The following ANKMY1 variants were observed in gnomAD, a reference collection of about 807,000 sequenced individuals.
The protein encoded by ANKMY1 is ankyrin repeat and MYND domain-containing protein 1.
A neutral mutation model predicts 102.0 loss-of-function variants in ANKMY1; 98 were observed. The ratio of observed to expected loss-of-function variants is 0.96; its 90% CI spans 0.82 to 1.14. The LOEUF (loss-of-function observed/expected upper bound fraction) is 1.14. ANKMY1 is among the 50% of genes most tolerant of loss of function. The probability of loss-of-function intolerance (pLI) is 0.00; values close to 1 mark genes in which losing one functional copy is unlikely to be tolerated. For synonymous variants in ANKMY1, 582 were observed against 559.9 expected (o/e 1.04, Z -0.56); for missense variants, 1,330 against 1,347.6 (o/e 0.99, Z 0.20).
chr2:240,520,569 G>A lies in ANKMY1; in HGVS notation c.1833-36C>T, dbSNP rs1410290925. 5 of 1,587,090 alleles carry A rather than the reference G, an allele frequency of 3.2e-6. No homozygotes were observed. Among genetic ancestry groups the A allele is most frequent in the Admixed American group, 1.7e-5 (1 of 57,646 alleles). ...CGGTGCGCCCGTGGGCCCCTGGAGG[G>A]CAGGCACCTGCACTGCGCCCAGAAC... On this transcript the variant is annotated intron_variant, in intron 8 of 17. Transcript: ENST00000401804. This position sits in a 1 kb window ranked among gnomAD's most constrained non-coding sequence, Gnocchi z 4.8.
chr2:240,477,557 A>T (rs2074938147), downstream of ANKMY1, among the ~76,000 whole-genome samples: 1 of 151,870 alleles, frequency 6.6e-6, no homozygotes, highest in Admixed American at 6.6e-5. Flanking sequence ...ACCACACCTG[A>T]CTAAGATCTT....
At chr2:240,522,738 C>G (rs1271950756) in intron 8 of ANKMY1, 2 of 152,224 alleles carry the variant, frequency 1.3e-5, no homozygotes, top group African/African-American at 2.4e-5. Flanking sequence ...TAGAAGAGAT[C>G]TGGGCACTGT....
chr2:240,477,531 G>T (rs1280330688), downstream of ANKMY1, among the ~76,000 whole-genome samples: 1 of 152,070 alleles, frequency 6.6e-6, no homozygotes, highest in Non-Finnish European at 1.5e-5. Flanking sequence ...GAGTAGCTGG[G>T]ACTACGGTGT....
the ANKMY1 span, among the ~76,000 whole-genome samples, chr2:240,471,113 A>AC: frequency 4.4e-5 from 1 of 22,546 alleles, no homozygotes; most frequent in Non-Finnish European, 9.0e-5. Context: ...TCTGGGCAGG[A>AC]AAAAAAAAAT....
Position 240,526,390 on chromosome 2 carries a change from T to C in ANKMY1, c.1009A>G (p.Ser337Gly), listed in dbSNP as rs1221578026. 6.2e-7 allele frequency: 1 copy of C among 1,614,224 alleles called. No individual in the cohort carries two copies. The highest frequency in any genetic ancestry group is 1.1e-5 in the South Asian group (1 of 91,088). Reference protein sequence around the residue: ...NMGAILEGKRSGFAPCGPKEQ... With the variant: ...NMGAILEGKRGGFAPCGPKEQ... ...TTGGGCCCACAGGGTGCAAAGCCAC[T>C]GCGCTTCCCCTCCAGGATGGCGCCC... Residue 337 changes from serine to glycine, a missense_variant, in exon 6 of 18, where the codon AGT becomes GGT. Transcript: ENST00000401804.
At chr2:240,468,831 G>A in the ANKMY1 span, among the ~76,000 whole-genome samples, 1 of 152,202 alleles carries the variant, frequency 6.6e-6, no homozygotes, top group Admixed American at 6.5e-5. Context: ...GCTCCACCCA[G>A]CCCTGCTGAA....
chr2:240,492,167 C>CT (rs912824758), intron 15 of ANKMY1, among the ~76,000 whole-genome samples: 1 of 151,900 alleles, frequency 6.6e-6, no homozygotes, highest in Admixed American at 6.6e-5. Context: ...TAATTTTTTT[C>CT]TTTTTTGTAG....
chr2:240,517,527 T>A (rs772061943), intron 9 of ANKMY1, among the ~76,000 whole-genome samples: 4 of 152,192 alleles, frequency 2.6e-5, no homozygotes, highest in Non-Finnish European at 5.9e-5. Flanking sequence ...CAATGACTCT[T>A]GGCCGGGCAC....
Position 240,520,144 on chromosome 2 carries a change from TA to T in ANKMY1, c.2004+217del. ...AAATCACACGGATCGTGAAGTACTC[TA>T]AAAACTAGCTCGGTGTCCAAATCCT... is the stretch of plus-strand genomic sequence containing the variant. On this transcript the variant is annotated intron_variant, in intron 9 of 17. Transcript: ENST00000401804. The surrounding 1 kb of genome is among the most constrained non-coding windows in gnomAD (Gnocchi z 4.8). 1.3e-6 allele frequency: 1 copy of T among 796,976 alleles called. No individual in the cohort carries two copies. The highest frequency in any genetic ancestry group is 2.2e-6 in the Non-Finnish European group (1 of 460,796). The allele number at this position is 796,976 out of a possible 1,614,324, so 49.4% of individuals were successfully genotyped here.
the ANKMY1 span, among the ~76,000 whole-genome samples, chr2:240,470,082 A>G: frequency 6.6e-6 from 1 of 152,244 alleles, no homozygotes; most frequent in African/African-American, 2.4e-5. Flanking sequence ...CCGTGGGTGC[A>G]CACACTGCTC....
intron 11 of ANKMY1, 150 bp from the exon 12 acceptor site, chr2:240,509,605 A>G: frequency 1.7e-6 from 1 of 602,934 alleles, no homozygotes; most frequent in Non-Finnish European, 2.9e-6. Context: ...AAGGTGTTCA[A>G]AATTGTGGAT....
intron 13 of ANKMY1, among the ~76,000 whole-genome samples, chr2:240,503,941 G>A (rs948895000): frequency 2.6e-5 from 4 of 152,208 alleles, no homozygotes; most frequent in African/African-American, 9.7e-5. Flanking sequence ...GAGCTGAGGA[G>A]GGCAGAGGTG....
rs2077988659 is a variant in ANKMY1, at chr2:240,500,454, G to C, written c.2638C>G (p.Gln880Glu). The C allele has an allele frequency of 6.2e-7, 1 of 1,613,488 alleles. No individual in the cohort carries two copies. Among genetic ancestry groups the C allele is most frequent in the South Asian group, 1.1e-5 (1 of 91,048 alleles). The change falls in exon 14 of 18, where the codon CAG (glutamine) becomes GAG (glutamate). Residue 880 changes from glutamine (Q) to glutamate (E), a missense_variant and splice_region_variant. Coordinates refer to ENST00000401804, the MANE Select transcript of ANKMY1 (RefSeq NM_001282771.3). ...CTCATGGGAGGCTCACCACCTACCTGGAAGAATCTGAAGTAGCCATAGTCC... is the reference window on the plus strand; with the variant it reads ...CTCATGGGAGGCTCACCACCTACCTCGAAGAATCTGAAGTAGCCATAGTCC... ...AVDYGYFRFFQDRRIARCPFH... is the reference protein window; with the variant it reads ...AVDYGYFRFFEDRRIARCPFH...
chr2:240,529,660 G>GT lies in ANKMY1; in HGVS notation c.481-152dup. The GT allele has an allele frequency of 2.5e-6, 2 of 814,846 alleles. No individual in the cohort carries two copies. Among genetic ancestry groups the GT allele is most frequent in the East Asian group, 5.4e-5 (2 of 37,362 alleles). 50.5% of individuals were successfully genotyped at this position (814,846 alleles called of 1,614,324 possible). On this transcript the variant is annotated intron_variant, in intron 4 of 17. Transcript: ENST00000401804. This position sits in a 1 kb window ranked among gnomAD's most constrained non-coding sequence, Gnocchi z 4.2. ...GTAAACATCTCTGGAGGCTTAGGCTGTGCCGCCCAGGGACCGAGGCGGACC... is the reference window on the plus strand; with the variant it reads ...GTAAACATCTCTGGAGGCTTAGGCTGTTGCCGCCCAGGGACCGAGGCGGACC...
chr2:240,495,453 A>G (rs574543693), intron 15 of ANKMY1, among the ~76,000 whole-genome samples: 1 of 152,316 alleles, frequency 6.6e-6, no homozygotes, highest in Admixed American at 6.5e-5. Context: ...AGATAGCAGT[A>G]GCAGAATTAC....
intron 11 of ANKMY1, among the ~76,000 whole-genome samples, chr2:240,509,713 G>A (rs1176114397): frequency 2.0e-5 from 3 of 152,156 alleles, no homozygotes; most frequent in Middle Eastern, 3.2e-3. Flanking sequence ...AAAGTAGGAG[G>A]ACATTGATGC....
chr2:240,506,359 C>T lies in ANKMY1; in HGVS notation c.2526+1201G>A, dbSNP rs1412476962. Among the ~76,000 whole-genome samples, 1 of 152,208 alleles carries T rather than the reference C, an allele frequency of 6.6e-6. No homozygotes were observed. Among genetic ancestry groups the T allele is most frequent in the Non-Finnish European group, 1.5e-5 (1 of 68,038 alleles). Reference sequence around the variant, plus strand: ...ACATTAGGGGGCCCCTCCCAGCCCCCAGGTCCAGAAATGGTGCCGACTACC... The same window carrying T: ...ACATTAGGGGGCCCCTCCCAGCCCCTAGGTCCAGAAATGGTGCCGACTACC... On this transcript the variant is annotated intron_variant, in intron 13 of 17. Coordinates refer to ENST00000401804, the MANE Select transcript of ANKMY1 (RefSeq NM_001282771.3). The surrounding 1 kb of genome is among the most constrained non-coding windows in gnomAD (Gnocchi z 4.9).
intron 15 of ANKMY1, among the ~76,000 whole-genome samples, chr2:240,491,285 T>G (rs2076624009): frequency 1.3e-5 from 2 of 152,188 alleles, no homozygotes; most frequent in Non-Finnish European, 2.9e-5. Context: ...TCATGGATCA[T>G]TTTTAATCCA....
chr2:240,511,690 G>A lies in ANKMY1; in HGVS notation c.2286+171C>T, dbSNP rs77898702. Among the ~76,000 whole-genome samples the A allele has an allele frequency of 2.5e-3, 378 of 152,356 alleles. 2 individuals carry two copies. Among genetic ancestry groups the A allele is most frequent in the African/African-American group, 8.2e-3 (339 of 41,588 alleles). ...CAGGCGTGCGTGTGTGCATGTGAGTGGGAAATCCCGTCCTCCCGCCTTGCC... is the reference window on the plus strand; with the variant it reads ...CAGGCGTGCGTGTGTGCATGTGAGTAGGAAATCCCGTCCTCCCGCCTTGCC... On this transcript the variant is annotated intron_variant, in intron 11 of 17. Coordinates refer to ENST00000401804, the MANE Select transcript of ANKMY1 (RefSeq NM_001282771.3).
Sources: allele counts gnomAD v4.1 joint callset (sites outside exome capture counted in the v4.1 genomes callset), GRCh38; gene constraint gnomAD v4.1.1; non-coding constraint Gnocchi (gnomAD v3.1); transcripts MANE v1.5; gene names NCBI Gene and HGNC (gene_info 2026-07-23, HGNC 2026-07-21).